The following NCOA7 variants were observed in gnomAD, a reference collection of about 807,000 sequenced individuals.
NCOA7 encodes the protein nuclear receptor coactivator 7, also known as 140 kDa estrogen receptor-associated protein.
NCOA7 carries 45 observed loss-of-function variants against 104.3 expected under a neutral mutation model. The ratio of observed to expected loss-of-function variants is 0.43; its 90% CI spans 0.34 to 0.55. NCOA7 has a LOEUF of 0.55. Among genes scored for constraint, NCOA7 ranks in the 20% least tolerant of loss-of-function variants. NCOA7 has a pLI of 0.02. For missense variants in NCOA7, 1,041 were observed against 1,119.7 expected (o/e 0.93, Z 1.00); for synonymous variants, 398 against 402.3 (o/e 0.99, Z 0.13).
intron 2 of NCOA7, among the ~76,000 whole-genome samples, chr6:125,827,440 A>G (rs1778762862): frequency 6.6e-6 from 1 of 152,292 alleles, no homozygotes; most frequent in South Asian, 2.1e-4. Flanking sequence ...GACATTAAAG[A>G]AGAACATCAA....
At chr6:125,896,876 G>C (rs1029729221) in intron 10 of NCOA7, among the ~76,000 whole-genome samples, 1 of 152,150 alleles carries the variant, frequency 6.6e-6, no homozygotes, top group Non-Finnish European at 1.5e-5. Flanking sequence ...CTAAAGTGCT[G>C]TTTCTCTAAT....
At chr6:125,885,542 A>C (rs6920429) in intron 8 of NCOA7, among the ~76,000 whole-genome samples, 199 bp downstream of exon 8, 37,263 of 152,090 alleles carry the variant, frequency 0.25, 5,230 homozygotes, top group African/African-American at 0.4. Context: ...GAACATATAA[A>C]GATTAAAGGA....
chr6:125,882,463 A>T lies in NCOA7; in HGVS notation c.611A>T (p.Glu204Val). The change falls in exon 7 of 16, where the codon GAA becomes GTA. Residue 204 changes from glutamate (E) to valine (V), a missense_variant. By Grantham distance (121) the Glu-to-Val change is moderately radical (BLOSUM62 -2). This residue lies in a region of NCOA7 where 914 missense variants were observed against 942.7 expected (regional missense o/e 0.97). Transcript: ENST00000392477. ...DLARKALKPI[E>V]RVLSSTSEED... is the part of the protein sequence containing the mutation. ...GCACGAAAGGCCTTGAAACCCATTG[A>T]AAGAGTCTTATCGTCTACTTCTGAA... The T allele has an allele frequency of 6.2e-7, 1 of 1,613,788 alleles. No homozygotes were observed. Among genetic ancestry groups the T allele is most frequent in the Non-Finnish European group, 8.5e-7 (1 of 1,179,858 alleles).
chr6:125,888,099 G>T (rs6934080), intron 8 of NCOA7, among the ~76,000 whole-genome samples: 1 of 151,694 alleles, frequency 6.6e-6, no homozygotes, highest in African/African-American at 2.4e-5. Flanking sequence ...ATGTAATTCC[G>T]ATCTGGGAAG....
At chr6:125,873,422 G>A (rs1273556373) in intron 3 of NCOA7, among the ~76,000 whole-genome samples, 1 of 152,152 alleles carries the variant, frequency 6.6e-6, no homozygotes, top group Non-Finnish European at 1.5e-5. Flanking sequence ...GTTTAAAACA[G>A]ATGGACACTA....
At chr6:125,782,642 G>C (rs1203059652) in intron 1 of NCOA7, among the ~76,000 whole-genome samples, 1 of 152,146 alleles carries the variant, frequency 6.6e-6, no homozygotes, top group Non-Finnish European at 1.5e-5. Context: ...GAGGACAATA[G>C]TTTCAGAAAG....
intron 10 of NCOA7, among the ~76,000 whole-genome samples, chr6:125,904,743 C>T (rs1785818443): frequency 6.6e-6 from 1 of 152,188 alleles, no homozygotes; most frequent in African/African-American, 2.4e-5. Flanking sequence ...CAAAACAAAG[C>T]TCCCAGGCAG....
At chr6:125,875,029 T>C (rs1783242524) in intron 4 of NCOA7, 61 bp downstream of exon 4, 10 of 1,265,182 alleles carry the variant, frequency 7.9e-6, no homozygotes, top group Non-Finnish European at 1.2e-5. Flanking sequence ...ATAATGGTTT[T>C]CCCTGACACA....
At chr6:125,813,602 C>T (rs1420334912) in intron 1 of NCOA7, among the ~76,000 whole-genome samples, 1 of 152,030 alleles carries the variant, frequency 6.6e-6, no homozygotes, top group Non-Finnish European at 1.5e-5. Flanking sequence ...AGGCACCTGC[C>T]ACCACGCCCG....
intron 10 of NCOA7, among the ~76,000 whole-genome samples, chr6:125,904,160 G>A (rs1195034701): frequency 6.6e-6 from 1 of 152,114 alleles, no homozygotes; most frequent in Non-Finnish European, 1.5e-5. Context: ...CACCTGCTCT[G>A]TCTTCTTTCT....
Position 125,889,700 on chromosome 6 carries a change from A to G in NCOA7, c.1646A>G (p.Lys549Arg), listed in dbSNP as rs144006908. The change falls in exon 9 of 16, where the codon AAA becomes AGA. Residue 549 changes from lysine to arginine, a missense_variant. Transcript: ENST00000392477. ...NLQKTELSDG[K>R]SIEPGGIDIT... ...CAGAAAACAGAATTAAGTGATGGAA[A>G]AAGTATTGAACCAGGGGGAATAGAC... 821 of 1,614,112 alleles carry G rather than the reference A, an allele frequency of 5.1e-4. 1 individual carries two copies. The highest frequency in any genetic ancestry group is 6.6e-4 in the Non-Finnish European group (783 of 1,179,998).
At chr6:125,857,967 G>T (rs1159233806) in intron 3 of NCOA7, among the ~76,000 whole-genome samples, 1 of 151,728 alleles carries the variant, frequency 6.6e-6, no homozygotes, top group African/African-American at 2.4e-5. Context: ...TCTGTCGCGT[G>T]TGTAATGCTG....
rs569836544 is a variant in NCOA7 at position 125,862,615 on chromosome 6, C to A, written c.271+7375C>A. 7.1e-4 allele frequency among the ~76,000 whole-genome samples: 98 copies of A among 138,208 alleles called. 17 individuals carry two copies. The highest frequency in any genetic ancestry group is 1.9e-3 in the Admixed American group (28 of 14,572). The allele number at this position is 138,208 out of a possible 152,430, so 90.7% of individuals were successfully genotyped here. ...AGTGGACTGTTGCTGCTTTTTTTCT[C>A]TCTCTTTTTTCTGTTTTCTACATCA... On this transcript the variant is annotated intron_variant, in intron 3 of 15. Coordinates refer to ENST00000392477, the MANE Select transcript of NCOA7 (RefSeq NM_181782.5).
At chr6:125,837,832 G>T (rs1399290373) in intron 2 of NCOA7, among the ~76,000 whole-genome samples, 4 of 152,174 alleles carry the variant, frequency 2.6e-5, no homozygotes, top group Non-Finnish European at 4.4e-5. Flanking sequence ...ATTTAAAAAT[G>T]GAAAGTCCAG....
intron 13 of NCOA7, among the ~76,000 whole-genome samples, chr6:125,925,699 A>G (rs1787962029): frequency 6.6e-6 from 1 of 152,208 alleles, no homozygotes; most frequent in Non-Finnish European, 1.5e-5. Context: ...TCTGCTAAGG[A>G]AGTTGAGAGA....
rs987770322 is a variant in NCOA7, at chr6:125,855,202, A to G, written c.233A>G (p.Glu78Gly). ...KKKRKSNQLKEIRRTELKRYY... is the reference protein window; with the variant it reads ...KKKRKSNQLKGIRRTELKRYY... Reference sequence around the variant, plus strand: ...AAGAGAAAAAGTAATCAGTTAAAGGAGATCAGGCGTACAGAACTAAAGAGA... The same window carrying G: ...AAGAGAAAAAGTAATCAGTTAAAGGGGATCAGGCGTACAGAACTAAAGAGA... Residue 78 changes from glutamate to glycine, a missense_variant, in exon 3 of 16, where the codon GAG becomes GGG. Coordinates refer to ENST00000392477, the MANE Select transcript of NCOA7 (RefSeq NM_181782.5). 1 of 1,612,502 alleles carries G rather than the reference A, an allele frequency of 6.2e-7. No homozygotes were observed. The highest frequency in any genetic ancestry group is 8.5e-7 in the Non-Finnish European group (1 of 1,179,706).
At chr6:125,830,739 G>A (rs1006058579) in intron 2 of NCOA7, among the ~76,000 whole-genome samples, 172 of 143,396 alleles carry the variant, frequency 1.2e-3, no homozygotes, top group African/African-American at 3.3e-3. Flanking sequence ...ATATATATAT[G>A]TGTGTGTGTG....
intron 1 of NCOA7, among the ~76,000 whole-genome samples, chr6:125,802,779 A>C (rs1019114902): frequency 3.9e-5 from 6 of 152,266 alleles, no homozygotes; most frequent in Admixed American, 1.3e-4. Context: ...CCTTAAAAAG[A>C]AAAAGAACGT....
chr6:125,890,008 A>G (rs1054316441), intron 9 of NCOA7, 27 bp downstream of exon 9: 2 of 1,464,436 alleles, frequency 1.4e-6, no homozygotes, highest in Admixed American at 4.8e-5. Flanking sequence ...TAATGCCTTT[A>G]TATTCTGTTG....
Sources: allele counts gnomAD v4.1 joint callset (sites outside exome capture counted in the v4.1 genomes callset), GRCh38; gene constraint gnomAD v4.1.1; regional missense constraint gnomAD v4.1.1; transcripts MANE v1.5; gene names NCBI Gene and HGNC (gene_info 2026-07-23, HGNC 2026-07-21).